The following PRKG1 variants were observed in gnomAD, a reference collection of about 807,000 sequenced individuals.
PRKG1 encodes cGMP-dependent protein kinase 1.
In PRKG1, 35 loss-of-function variants were observed where a neutral mutation model predicts 88.1. That is an observed-to-expected ratio of 0.40 (90% CI 0.30 to 0.53). The LOEUF is 0.53. Ranked by LOEUF, PRKG1 falls within the 20% of genes least tolerant of loss-of-function variation. The probability of loss-of-function intolerance (pLI) is 0.59; values close to 1 mark genes in which losing one functional copy is unlikely to be tolerated. For synonymous variants in PRKG1, 303 were observed against 292.5 expected (o/e 1.04, Z -0.37); for missense variants, 540 against 839.8 (o/e 0.64, Z 4.41).
At chr10:51,230,635 T>G (rs1838819466) in intron 2 of PRKG1, among the ~76,000 whole-genome samples, 1 of 152,128 alleles carries the variant, frequency 6.6e-6, no homozygotes, top group South Asian at 2.1e-4. Context: ...CTCAAGTCTT[T>G]GACATAAAAT....
At chr10:52,035,669 G>C (rs545483797) in intron 5 of PRKG1, among the ~76,000 whole-genome samples, 1 of 152,242 alleles carries the variant, frequency 6.6e-6, no homozygotes, top group South Asian at 2.1e-4. Flanking sequence ...CAGGAACAAC[G>C]GTAATTGTGG....
chr10:52,290,088 A>C, intron 16 of PRKG1, 136 bp from the exon 17 acceptor site: 1 of 651,168 alleles, frequency 1.5e-6, no homozygotes, highest in Non-Finnish European at 2.7e-6. Flanking sequence ...AACATATGCA[A>C]TTAAATAGAA....
At chr10:52,252,351 A>C (rs1841193434) in intron 10 of PRKG1, 1 of 152,158 alleles carries the variant, frequency 6.6e-6, no homozygotes, top group Non-Finnish European at 1.5e-5. Context: ...TTGAAATATA[A>C]ATTTTAAAAC....
intron 3 of PRKG1, among the ~76,000 whole-genome samples, chr10:51,743,681 T>C (rs1837495881): frequency 7.3e-6 from 1 of 137,108 alleles, no homozygotes; most frequent in African/African-American, 2.8e-5. Context: ...TTTATATATA[T>C]ATAATTTATT....
chr10:52,280,727 A>C, intron 12 of PRKG1, 62 bp from the exon 13 acceptor site: 1 of 1,546,534 alleles, frequency 6.5e-7, no homozygotes. Flanking sequence ...AGAAAAAAAA[A>C]ATAAAGCCAT....
intron 3 of PRKG1, among the ~76,000 whole-genome samples, chr10:51,665,973 G>A (rs1043588975): frequency 3.3e-5 from 5 of 151,892 alleles, no homozygotes; most frequent in African/African-American, 1.2e-4. Context: ...ACAAGGGAAA[G>A]CAATGTCCTG....
Position 51,165,984 on chromosome 10 carries a change from GT to G in PRKG1, c.478+12665del, listed in dbSNP as rs796123661. Among the ~76,000 whole-genome samples the G allele has an allele frequency of 5.8e-3, 842 of 145,726 alleles. 8 individuals are homozygous for G. The highest frequency in any genetic ancestry group is 0.018 in the African/African-American group (704 of 39,970). ...CCATTCACACATACTCACCAAATAA[GT>G]TTTTTTTTTTCATTTTTATGGCTGG... On this transcript the variant is annotated intron_variant, in intron 2 of 17. Transcript: ENST00000373980.
intron 2 of PRKG1, among the ~76,000 whole-genome samples, chr10:51,249,666 C>T (rs1839380238): frequency 1.3e-5 from 2 of 151,712 alleles, no homozygotes; most frequent in South Asian, 2.1e-4. Flanking sequence ...TTAAAATAAT[C>T]GCAAGTAGCA....
intron 3 of PRKG1, among the ~76,000 whole-genome samples, chr10:51,701,456 T>C (rs534495073): frequency 2.2e-3 from 331 of 152,326 alleles, no homozygotes; most frequent in African/African-American, 7.4e-3. Context: ...CAGTTTATAT[T>C]TGCAAGTGAC....
intron 2 of PRKG1, among the ~76,000 whole-genome samples, chr10:51,422,584 C>T (rs1447377049): frequency 6.6e-6 from 1 of 152,172 alleles, no homozygotes; most frequent in Non-Finnish European, 1.5e-5. Context: ...ACTTCAGCAG[C>T]CCTAACAGCA....
At chr10:51,319,188 G>A (rs1841393108) in intron 2 of PRKG1, among the ~76,000 whole-genome samples, 1 of 152,166 alleles carries the variant, frequency 6.6e-6, no homozygotes, top group African/African-American at 2.4e-5. Flanking sequence ...TGAGTGCTTT[G>A]AGCAGCTATT....
intron 5 of PRKG1, among the ~76,000 whole-genome samples, chr10:52,032,649 C>T (rs964868807): frequency 7.2e-5 from 11 of 151,902 alleles, no homozygotes; most frequent in African/African-American, 2.4e-4. Flanking sequence ...TTTTTTAATT[C>T]CCCCTTTTTC....
At chr10:51,557,726 T>C (rs1001388563) in intron 3 of PRKG1, among the ~76,000 whole-genome samples, 10 of 151,988 alleles carry the variant, frequency 6.6e-5, no homozygotes, top group African/African-American at 2.2e-4. Context: ...GAAAAATGTA[T>C]TGGGGTTGAA....
intron 9 of PRKG1, among the ~76,000 whole-genome samples, chr10:52,243,658 A>T (rs772723115): frequency 1.1e-4 from 16 of 152,186 alleles, no homozygotes; most frequent in Non-Finnish European, 7.4e-5. Flanking sequence ...GAAACCAATC[A>T]CTTATCAGCA....
At chr10:52,246,489 C>G (rs958457734) in intron 9 of PRKG1, among the ~76,000 whole-genome samples, 2 of 152,038 alleles carry the variant, frequency 1.3e-5, no homozygotes, top group African/African-American at 4.8e-5. Flanking sequence ...GTTTTTAGAG[C>G]CTCCTTTGGT....
chr10:51,910,270 G>A (rs896961066), intron 5 of PRKG1: 5 of 152,120 alleles, frequency 3.3e-5, no homozygotes, highest in Non-Finnish European at 7.3e-5. Flanking sequence ...CTAGGAGGGA[G>A]GCAGTTGTTC....
chr10:51,111,921 TA>T (rs1247134344), intron 1 of PRKG1, among the ~76,000 whole-genome samples: 3 of 152,166 alleles, frequency 2.0e-5, no homozygotes, highest in African/African-American at 7.2e-5. Context: ...GAATGAGCAG[TA>T]GGGGTGCTAC....
At chr10:51,343,137 T>G (rs563558865) in intron 2 of PRKG1, among the ~76,000 whole-genome samples, 1 of 152,338 alleles carries the variant, frequency 6.6e-6, no homozygotes, top group African/African-American at 2.4e-5. Context: ...CTTTAGTTGT[T>G]GGACTTCAGA....
At chr10:52,242,188 C>T (rs999418082) in intron 9 of PRKG1, 6 of 152,184 alleles carry the variant, frequency 3.9e-5, no homozygotes, top group Non-Finnish European at 2.9e-5. Context: ...AACCTCACCT[C>T]TCTGGCCCTG....
Sources: allele counts gnomAD v4.1 joint callset (sites outside exome capture counted in the v4.1 genomes callset), GRCh38; gene constraint gnomAD v4.1.1; transcripts MANE v1.5; gene names NCBI Gene and HGNC (gene_info 2026-07-23, HGNC 2026-07-21).